GCFC2: variants seen among roughly 807,000 people sequenced by gnomAD.
The protein encoded by GCFC2 is intron Large complex component GCFC2.
GCFC2 carries 102 observed loss-of-function variants against 99.4 expected under a neutral mutation model. The ratio of observed to expected loss-of-function variants is 1.03; its 90% CI spans 0.87 to 1.21. The LOEUF (loss-of-function observed/expected upper bound fraction) is 1.21, where lower values mean the gene tolerates loss of function less well. Ranked by LOEUF, GCFC2 falls within the 50% of genes most tolerant of loss-of-function variation. GCFC2 has a pLI of 0.00. For missense variants in GCFC2, 973 were observed against 920.9 expected (o/e 1.06, Z -0.73); for synonymous variants, 338 against 316.8 (o/e 1.07, Z -0.71).
At chr2:75,702,050 A>C (rs1680618208) in intron 3 of GCFC2, 149 bp downstream of exon 3, 1 of 1,430,586 alleles carries the variant, frequency 7.0e-7, no homozygotes, top group African/African-American at 1.4e-5. Flanking sequence ...CATCTTTTAG[A>C]GGTCACAATA....
chr2:75,704,775 C>A lies in GCFC2; in HGVS notation c.394+1748G>T, dbSNP rs551592878. Among the ~76,000 whole-genome samples the A allele has an allele frequency of 3.9e-5, 6 of 152,316 alleles. No homozygotes were observed. In the South Asian group the frequency reaches 1.2e-3, roughly 32 times the overall value. ...TCTCTGCTCACTGCAACCTCTGCCT[C>A]CCAGGTTCAAGCAATTCTTTTGCCT... On this transcript the variant is annotated intron_variant, in intron 2 of 16. Transcript: ENST00000321027.
At position 75,710,889 on chromosome 2, in the gene GCFC2, C is replaced by A. The variant is rs780171325; in HGVS notation, c.-34G>T. ...CCCGAGCGCCCGGCGCCCTAGAACCCGCTGAACCGCAAGCCGCAGCTTCAG... is the reference window on the plus strand; with the variant it reads ...CCCGAGCGCCCGGCGCCCTAGAACCAGCTGAACCGCAAGCCGCAGCTTCAG... On this transcript the variant is annotated 5_prime_UTR_variant, in exon 1 of 17. Transcript: ENST00000321027. The A allele has an allele frequency of 8.7e-6, 13 of 1,493,458 alleles. No homozygotes were observed. The highest frequency in any genetic ancestry group is 2.7e-5 in the East Asian group (1 of 36,686). The allele number at this position is 1,493,458 out of a possible 1,614,324, so 92.5% of individuals were successfully genotyped here. A position where few individuals can be genotyped will look rare whatever the true frequency, so the allele number is the denominator to read the frequency against.
Position 75,706,647 on chromosome 2 carries a change from G to C in GCFC2, c.270C>G (p.Ser90=), listed in dbSNP as rs750605696. 3.8e-6 allele frequency: 6 copies of C among 1,564,050 alleles called. No homozygotes were observed. In the Admixed American group the frequency reaches 5.6e-5, roughly 15 times the overall value. Residue 90 remains serine (S), a synonymous_variant, in exon 2 of 17, where the codon TCC becomes TCG. Transcript: ENST00000321027. ...AAPRADEGSE[S]RTLDVSTDEE... ...CATCTGTGGACACATCAAGGGTTCT[G>C]GATTCTAACAGGACATTTTAAAAAT...
At chr2:75,682,106 C>T (rs139884096) in intron 11 of GCFC2, among the ~76,000 whole-genome samples, 1 of 151,930 alleles carries the variant, frequency 6.6e-6, no homozygotes, top group African/African-American at 2.4e-5. Context: ...AAGGGACACA[C>T]TGCCTCCTCA....
In GCFC2 at chr2:75,683,530, C is replaced by T. The variant is rs56151810; in HGVS notation, c.1691-3216G>A. ...GACCATCAACGCTATGAAGAAACTG[C>T]GTCAACTAATGAGCAAAATGACCAG... On this transcript the variant is annotated intron_variant, in intron 11 of 16. Transcript: ENST00000321027. Among the ~76,000 whole-genome samples, 1,061 of 152,114 alleles carry T rather than the reference C, an allele frequency of 7.0e-3. 22 individuals are homozygous for T. Among genetic ancestry groups the T allele is most frequent in the African/African-American group, 0.024 (1,009 of 41,464 alleles).
intron 2 of GCFC2, among the ~76,000 whole-genome samples, chr2:75,706,209 A>G (rs536530699): frequency 9.2e-5 from 14 of 152,164 alleles, no homozygotes; most frequent in Non-Finnish European, 2.1e-4. Context: ...GCTACATCCT[A>G]TACCTGAAAC....
At chr2:75,706,442 G>A in intron 2 of GCFC2, 81 bp downstream of exon 2, 1 of 908,182 alleles carries the variant, frequency 1.1e-6, no homozygotes, top group Admixed American at 2.3e-5. Context: ...TGTCACTAGA[G>A]TTTGTTATGT....
Position 75,694,370 on chromosome 2 carries a change from T to C in GCFC2, c.891A>G (p.Val297=). The C allele has an allele frequency of 3.3e-6, 5 of 1,533,688 alleles. No individual in the cohort carries two copies. Among genetic ancestry groups the C allele is most frequent in the Non-Finnish European group, 4.5e-6 (5 of 1,122,530 alleles). Residue 297 remains valine, a synonymous_variant, in exon 6 of 17, where the codon GTA becomes GTG. Transcript: ENST00000321027. ...RSHLREYEKY[V]QDVKSSKSTI... Reference sequence around the variant, plus strand: ...TACTCTTTGAGCTTTTGACATCTTGTACGTATTTTTCATACTCCCTCAGGT... The same window carrying C: ...TACTCTTTGAGCTTTTGACATCTTGCACGTATTTTTCATACTCCCTCAGGT...
At chr2:75,670,316 T>C (rs758621425) in intron 14 of GCFC2, 32 bp from the exon 15 acceptor site, 52 of 1,477,968 alleles carry the variant, frequency 3.5e-5, no homozygotes, top group Non-Finnish European at 4.8e-5. Flanking sequence ...ATATGTACCT[T>C]TTCTCCAAAG....
chr2:75,707,312 A>G (rs1222179724), intron 1 of GCFC2, among the ~76,000 whole-genome samples: 1 of 152,248 alleles, frequency 6.6e-6, no homozygotes, highest in East Asian at 1.9e-4. Context: ...AAATTCAATT[A>G]ATCTGTTAAA....
intron 12 of GCFC2, among the ~76,000 whole-genome samples, chr2:75,675,254 C>T (rs34081022): frequency 0.19 from 29,125 of 152,060 alleles, 3,540 homozygotes; most frequent in South Asian, 0.27. Context: ...AACAAATATG[C>T]ACCCTGTTCT....
At chr2:75,676,680 C>T (rs964636735) in intron 12 of GCFC2, among the ~76,000 whole-genome samples, 7 of 152,170 alleles carry the variant, frequency 4.6e-5, no homozygotes, top group South Asian at 2.1e-4. Flanking sequence ...TGCTGACTCA[C>T]GCTGGGTTTA....
At position 75,709,217 on chromosome 2, in the gene GCFC2, C is replaced by T. The variant is rs529069350; in HGVS notation, c.265+1374G>A. 6.8e-3 allele frequency among the ~76,000 whole-genome samples: 1,040 copies of T among 152,092 alleles called. 8 individuals carry two copies. The highest frequency in any genetic ancestry group is 0.024 in the African/African-American group (993 of 41,476). On this transcript the variant is annotated intron_variant, in intron 1 of 16. Coordinates refer to ENST00000321027, the MANE Select transcript of GCFC2 (RefSeq NM_003203.5). ...ACTGAAACAAAAGCTCTTTGGAATC[C>T]TTAATCATTTCTAAGAGTCTAAAAG...
intron 4 of GCFC2, among the ~76,000 whole-genome samples, chr2:75,699,011 CAAAAA>C (rs57676585): frequency 2.4e-5 from 2 of 84,464 alleles, no homozygotes; most frequent in African/African-American, 4.0e-5. Flanking sequence ...AACTCTGTCT[CAAAAA>C]AAAAAAAAAA....
intron 4 of GCFC2, among the ~76,000 whole-genome samples, chr2:75,698,972 A>T (rs1053553468): frequency 4.0e-5 from 6 of 151,066 alleles, no homozygotes; most frequent in Admixed American, 1.3e-4. Flanking sequence ...AGATCATGCC[A>T]CTGTACTCCA....
chr2:75,689,974 C>CT lies in GCFC2; in HGVS notation c.1333dup (p.Ser445LysfsTer4). On this transcript the variant is annotated frameshift_variant, in exon 9 of 17. Transcript: ENST00000321027. LOFTEE classifies it high-confidence loss of function. ...TTAGAAACTTGGTAACTGACCTTGG[C>CT]TTTTTTGGAAGTCAATCATCTCTGC... 1.3e-6 allele frequency: 2 copies of CT among 1,566,202 alleles called. No individual in the cohort carries two copies. The highest frequency in any genetic ancestry group is 1.8e-6 in the Non-Finnish European group (2 of 1,142,614).
intron 14 of GCFC2, chr2:75,670,743 T>C (rs1170234771): frequency 2.0e-5 from 3 of 153,520 alleles, no homozygotes; most frequent in Admixed American, 6.4e-5. Flanking sequence ...AGTTTGAAGA[T>C]AACTTGGATT....
chr2:75,677,977 C>CAA (rs1308285431), intron 12 of GCFC2, among the ~76,000 whole-genome samples: 2 of 103,816 alleles, frequency 1.9e-5, no homozygotes, highest in East Asian at 2.8e-4. Flanking sequence ...GACTCCGCCT[C>CAA]AAAAAAAAAA....
At chr2:75,676,351 T>C (rs1286614315) in intron 12 of GCFC2, among the ~76,000 whole-genome samples, 1 of 152,164 alleles carries the variant, frequency 6.6e-6, no homozygotes, top group East Asian at 1.9e-4. Context: ...GTTAACAAAC[T>C]TTTCCCTCCC....
Sources: gnomAD v4.1 joint callset for allele counts (sites outside exome capture counted in the v4.1 genomes callset) on GRCh38, gnomAD v4.1.1 for gene constraint, MANE v1.5 for transcripts, NCBI Gene and HGNC (gene_info 2026-07-23, HGNC 2026-07-21) for gene names.